CNBD1: variants seen among roughly 807,000 people sequenced by gnomAD.
The protein encoded by CNBD1 is cyclic nucleotide-binding domain-containing protein 1.
In CNBD1, 71 loss-of-function variants were observed where a neutral mutation model predicts 54.4. That is an observed-to-expected ratio of 1.30 (90% CI 1.08 to 1.59). The LOEUF (loss-of-function observed/expected upper bound fraction) is 1.59, where lower values mean the gene tolerates loss of function less well. Among genes scored for constraint, CNBD1 ranks in the 40% most tolerant of loss-of-function variants. The probability of loss-of-function intolerance (pLI) is 0.00; values close to 1 mark genes in which losing one functional copy is unlikely to be tolerated. For synonymous variants in CNBD1, 182 were observed against 170.7 expected (o/e 1.07, Z -0.51); for missense variants, 659 against 518.0 (o/e 1.27, Z -2.64).
chr8:87,011,811 T>C (rs1476262025), intron 4 of CNBD1, among the ~76,000 whole-genome samples: 1 of 152,128 alleles, frequency 6.6e-6, no homozygotes, highest in East Asian at 1.9e-4. Context: ...GGAAGACTAA[T>C]TGAAACTCTG....
rs534693543 is a variant in CNBD1, at chr8:87,054,620, C to T, written c.431+114866C>T. On this transcript the variant is annotated intron_variant, in intron 4 of 10. Coordinates refer to ENST00000518476, the MANE Select transcript of CNBD1 (RefSeq NM_173538.3). Reference sequence around the variant, plus strand: ...AAGAAGGAATAGGAGACATGATAGCCGCAAAACGAAAGGAAGAAAATGCAA... The same window carrying T: ...AAGAAGGAATAGGAGACATGATAGCTGCAAAACGAAAGGAAGAAAATGCAA... 2.0e-4 allele frequency among the ~76,000 whole-genome samples: 31 copies of T among 152,262 alleles called. 1 individual carries two copies. The highest frequency in any genetic ancestry group is 3.3e-4 in the Admixed American group (5 of 15,294).
chr8:87,102,281 C>T (rs1811444597), intron 4 of CNBD1, among the ~76,000 whole-genome samples: 1 of 152,020 alleles, frequency 6.6e-6, no homozygotes, highest in Non-Finnish European at 1.5e-5. Context: ...GGCATGGGTA[C>T]AGGAGCAGAC....
chr8:87,377,431 T>G (rs201963472), intron 10 of CNBD1, among the ~76,000 whole-genome samples: 7 of 151,636 alleles, frequency 4.6e-5, no homozygotes, highest in Non-Finnish European at 8.8e-5. Context: ...CGATAGTTTA[T>G]TGAGAATGAT....
chr8:87,245,478 AT>A (rs1335400472), intron 6 of CNBD1, among the ~76,000 whole-genome samples: 2 of 111,650 alleles, frequency 1.8e-5, no homozygotes, highest in East Asian at 2.3e-4. Flanking sequence ...ACATCTTCCC[AT>A]TTTTTTAATA....
intron 4 of CNBD1, among the ~76,000 whole-genome samples, chr8:87,172,496 GTC>G (rs147685397): frequency 0.011 from 1,569 of 148,552 alleles, 22 homozygotes; most frequent in African/African-American, 0.035. Flanking sequence ...GTTGTTTGAG[GTC>G]TCTCTCTCTC....
intron 4 of CNBD1, among the ~76,000 whole-genome samples, chr8:87,199,321 A>C (rs184037085): frequency 6.6e-6 from 1 of 152,352 alleles, no homozygotes; most frequent in East Asian, 1.9e-4. Context: ...CTACTAGTGG[A>C]GTTCAACAAC....
intron 4 of CNBD1, among the ~76,000 whole-genome samples, chr8:86,965,490 C>G (rs1045522301): frequency 1.3e-5 from 2 of 152,148 alleles, no homozygotes; most frequent in Admixed American, 1.3e-4. Context: ...AGCCTGTCCT[C>G]CTTAAGTCTG....
intron 10 of CNBD1, among the ~76,000 whole-genome samples, chr8:87,373,752 A>G (rs1479909312): frequency 1.3e-5 from 2 of 151,804 alleles, no homozygotes; most frequent in Admixed American, 6.6e-5. Flanking sequence ...AAACAACCAA[A>G]TGTTATATGA....
intron 4 of CNBD1, among the ~76,000 whole-genome samples, chr8:87,121,483 A>C (rs1369064005): frequency 6.6e-6 from 1 of 151,884 alleles, no homozygotes. Context: ...AAGCCAATTG[A>C]CATATTAGTC....
chr8:87,327,513 G>A (rs13273170), intron 8 of CNBD1, among the ~76,000 whole-genome samples: 57,978 of 152,106 alleles, frequency 0.38, 11,337 homozygotes, highest in Middle Eastern at 0.46. Context: ...GTGGTGCGCC[G>A]TTTTTTAAGC....
chr8:87,416,012 C>T, intron 2 of CNBD1, among the ~76,000 whole-genome samples: 1 of 151,830 alleles, frequency 6.6e-6, no homozygotes, highest in Non-Finnish European at 1.5e-5. Context: ...CACACATACA[C>T]ACACAAAAAT....
At chr8:87,151,885 T>G (rs1215734494) in intron 4 of CNBD1, among the ~76,000 whole-genome samples, 1 of 152,138 alleles carries the variant, frequency 6.6e-6, no homozygotes, top group Non-Finnish European at 1.5e-5. Context: ...ATGGGCATAT[T>G]TTTACCTTGA....
At chr8:87,227,208 T>C (rs547748212) in intron 5 of CNBD1, among the ~76,000 whole-genome samples, 1 of 152,168 alleles carries the variant, frequency 6.6e-6, no homozygotes, top group South Asian at 2.1e-4. Context: ...TGCCAGTCTG[T>C]GTCTTTTAAT....
intron 2 of CNBD1, among the ~76,000 whole-genome samples, chr8:86,903,100 T>C (rs1246071315): frequency 4.6e-5 from 7 of 152,066 alleles, no homozygotes; most frequent in African/African-American, 1.4e-4. Flanking sequence ...AGCTCTAGCA[T>C]TTGACTCTTC....
intron 5 of CNBD1, among the ~76,000 whole-genome samples, chr8:87,228,759 T>C (rs906001647): frequency 2.6e-5 from 4 of 152,002 alleles, no homozygotes; most frequent in East Asian, 3.9e-4. Context: ...TGAGCTGTGG[T>C]GGGCTCCACC....
chr8:87,207,129 A>G (rs1813992823), intron 5 of CNBD1, among the ~76,000 whole-genome samples: 1 of 152,164 alleles, frequency 6.6e-6, no homozygotes. Flanking sequence ...TAAAGGGGAT[A>G]AAATAATTTT....
chr8:87,282,969 C>G (rs1808625253), intron 6 of CNBD1, among the ~76,000 whole-genome samples: 1 of 152,076 alleles, frequency 6.6e-6, no homozygotes, highest in Non-Finnish European at 1.5e-5. Flanking sequence ...TCACTTCCCT[C>G]AGCCCTGGAA....
chr8:87,235,714 C>T (rs1807572181), intron 5 of CNBD1, among the ~76,000 whole-genome samples: 1 of 151,946 alleles, frequency 6.6e-6, no homozygotes, highest in Admixed American at 6.6e-5. Context: ...TGAGAATTAC[C>T]AAAATGTGAC....
chr8:87,054,988 G>A (rs1810384302), intron 4 of CNBD1, among the ~76,000 whole-genome samples: 2 of 152,154 alleles, frequency 1.3e-5, no homozygotes, highest in South Asian at 2.1e-4. Context: ...AACTGAGAAC[G>A]AGAAGCCTCA....
Sources: allele counts gnomAD v4.1 joint callset (sites outside exome capture counted in the v4.1 genomes callset), GRCh38; gene constraint gnomAD v4.1.1; transcripts MANE v1.5; gene names NCBI Gene and HGNC (gene_info 2026-07-23, HGNC 2026-07-21).